The following MYO1D variants were observed in gnomAD, a reference collection of about 807,000 sequenced individuals.
MYO1D encodes unconventional myosin-Id.
MYO1D carries 83 observed loss-of-function variants against 122.0 expected under a neutral mutation model. That is an observed-to-expected ratio of 0.68 (90% CI 0.57 to 0.82). MYO1D has a LOEUF of 0.82. MYO1D is among the 40% of genes least tolerant of loss of function. The pLI, the probability that MYO1D is intolerant of heterozygous loss-of-function variation, is 0.00. For synonymous variants in MYO1D, 464 were observed against 446.9 expected (o/e 1.04, Z -0.48); for missense variants, 1,157 against 1,269.5 (o/e 0.91, Z 1.35).
At chr17:32,726,265 C>T (rs1452481878) in intron 14 of MYO1D, among the ~76,000 whole-genome samples, 1 of 151,708 alleles carries the variant, frequency 6.6e-6, no homozygotes, top group African/African-American at 2.4e-5. Flanking sequence ...CCAAAAAATA[C>T]AAAAATTAAC....
At chr17:32,632,653 A>T (rs2088036048) in intron 20 of MYO1D, among the ~76,000 whole-genome samples, 1 of 151,698 alleles carries the variant, frequency 6.6e-6, no homozygotes. Context: ...ATAGGCAAAT[A>T]GGAAGCTGTC....
chr17:32,504,234 C>T (rs1175452525), intron 21 of MYO1D, among the ~76,000 whole-genome samples: 3 of 151,888 alleles, frequency 2.0e-5, no homozygotes. Context: ...GGGCGTGATC[C>T]ACACTCACCC....
At chr17:32,779,389 T>C (rs1264910428) in intron 2 of MYO1D, among the ~76,000 whole-genome samples, 1 of 151,754 alleles carries the variant, frequency 6.6e-6, no homozygotes, top group African/African-American at 2.4e-5. Context: ...TTAAAAAGAA[T>C]GCACTAGCTC....
At chr17:32,615,569 G>T (rs1450251586) in intron 20 of MYO1D, among the ~76,000 whole-genome samples, 1 of 152,178 alleles carries the variant, frequency 6.6e-6, no homozygotes, top group African/African-American at 2.4e-5. Context: ...CAATTGCTAG[G>T]CTTGAAAATA....
chr17:32,734,180 C>T (rs1413178113), intron 14 of MYO1D, among the ~76,000 whole-genome samples: 1 of 152,142 alleles, frequency 6.6e-6, no homozygotes, highest in Non-Finnish European at 1.5e-5. Context: ...ATCAGTTATT[C>T]GGATTCTTTA....
At chr17:32,832,323 T>G (rs946552773) in intron 1 of MYO1D, among the ~76,000 whole-genome samples, 1 of 150,414 alleles carries the variant, frequency 6.6e-6, no homozygotes, top group South Asian at 2.1e-4. Context: ...TTTTTTGACA[T>G]GGAGTCACGC....
rs1260561585 is a variant in MYO1D, at chr17:32,806,126, G to A, written c.96-25342C>T. ...ACAAAAAAATTAGCCAGAAGTGGTG[G>A]CACACGCCTGTGGTTCCAGCTACTC... On this transcript the variant is annotated intron_variant, in intron 1 of 21. Coordinates refer to ENST00000318217, the MANE Select transcript of MYO1D (RefSeq NM_015194.3). Among the ~76,000 whole-genome samples, 4 of 152,118 alleles carry A rather than the reference G, an allele frequency of 2.6e-5. No homozygotes were observed. The East Asian group carries it at 7.7e-4, about 29-fold the overall frequency.
intron 13 of MYO1D, among the ~76,000 whole-genome samples, chr17:32,742,706 CCCAGTTCTT>C (rs1474506304): frequency 6.6e-6 from 1 of 152,206 alleles, no homozygotes; most frequent in African/African-American, 2.4e-5. Flanking sequence ...TTTCCCCATG[CCCAGTTCTT>C]CCAAGGATCC....
At chr17:32,821,317 C>A (rs973419480) in intron 1 of MYO1D, among the ~76,000 whole-genome samples, 3 of 152,080 alleles carry the variant, frequency 2.0e-5, no homozygotes, top group African/African-American at 7.2e-5. Flanking sequence ...ATTAGTCATT[C>A]ATATCTCTAA....
chr17:32,534,155 T>C (rs1481285124), intron 21 of MYO1D, among the ~76,000 whole-genome samples: 1 of 152,168 alleles, frequency 6.6e-6, no homozygotes, highest in Non-Finnish European at 1.5e-5. Flanking sequence ...ATTACTTTTA[T>C]TACATTTTTA....
In MYO1D at chr17:32,760,468, C is replaced by T; in HGVS notation, c.1181+14G>A. On this transcript the variant is annotated intron_variant, in intron 9 of 21. Coordinates refer to ENST00000318217, the MANE Select transcript of MYO1D (RefSeq NM_015194.3). Reference sequence around the variant, plus strand: ...AAACAGGCAACAAGGTTTTAAGTATCTTTTCCAGTTTACCTGTTGTTGTCA... The same window carrying T: ...AAACAGGCAACAAGGTTTTAAGTATTTTTTCCAGTTTACCTGTTGTTGTCA... The T allele has an allele frequency of 1.2e-6, 2 of 1,610,120 alleles. No individual in the cohort carries two copies. Among genetic ancestry groups the T allele is most frequent in the Non-Finnish European group, 1.7e-6 (2 of 1,177,548 alleles).
At chr17:32,832,110 T>C (rs1295503512) in intron 1 of MYO1D, among the ~76,000 whole-genome samples, 1 of 151,672 alleles carries the variant, frequency 6.6e-6, no homozygotes, top group African/African-American at 2.4e-5. Flanking sequence ...GTTTTCTTTT[T>C]TCTTTCTTTC....
chr17:32,571,936 C>G (rs545600422), intron 21 of MYO1D, among the ~76,000 whole-genome samples: 2 of 152,272 alleles, frequency 1.3e-5, no homozygotes, highest in East Asian at 1.9e-4. Context: ...ACTCCAAACA[C>G]TAAATAACAG....
intron 10 of MYO1D, among the ~76,000 whole-genome samples, chr17:32,759,074 C>T (rs1469938397): frequency 2.0e-5 from 3 of 151,978 alleles, no homozygotes; most frequent in Non-Finnish European, 4.4e-5. Flanking sequence ...TCAGTTATAC[C>T]GTGTATTATA....
intron 21 of MYO1D, among the ~76,000 whole-genome samples, chr17:32,592,214 A>G (rs2087445568): frequency 6.6e-6 from 1 of 152,228 alleles, no homozygotes; most frequent in Non-Finnish European, 1.5e-5. Context: ...TTCCCCAGGA[A>G]TGTACATGGA....
intron 21 of MYO1D, among the ~76,000 whole-genome samples, chr17:32,596,554 G>T (rs1597918979): frequency 2.0e-5 from 3 of 152,218 alleles, no homozygotes; most frequent in African/African-American, 7.2e-5. Context: ...CTAAGTGTGA[G>T]TTATAAAGAA....
chr17:32,776,064 C>A, intron 3 of MYO1D, 35 bp from the exon 4 acceptor site: 1 of 1,572,444 alleles, frequency 6.4e-7, no homozygotes, highest in Non-Finnish European at 8.6e-7. Flanking sequence ...ATTATAAAAA[C>A]TTATAGAGAC....
intron 21 of MYO1D, among the ~76,000 whole-genome samples, chr17:32,560,751 C>T (rs2087117707): frequency 6.6e-6 from 1 of 150,848 alleles, no homozygotes; most frequent in South Asian, 2.1e-4. Context: ...TACTGAGTAG[C>T]TGGGATTACA....
At position 32,665,347 on chromosome 17, in the gene MYO1D, G is replaced by A. The variant is rs565036193; in HGVS notation, c.2122-6009C>T. 6.6e-5 allele frequency among the ~76,000 whole-genome samples: 10 copies of A among 152,168 alleles called. No homozygotes were observed. The South Asian group carries it at 2.1e-3, about 32-fold the overall frequency. On this transcript the variant is annotated intron_variant, in intron 16 of 21. Coordinates refer to ENST00000318217, the MANE Select transcript of MYO1D (RefSeq NM_015194.3). ...ATGCTCTCTCCCACTAGAATTTAAG[G>A]GCCACTAGGCTGGGGATCTTTGTCT...
Sources: allele counts gnomAD v4.1 joint callset (sites outside exome capture counted in the v4.1 genomes callset), GRCh38; gene constraint gnomAD v4.1.1; transcripts MANE v1.5; gene names NCBI Gene and HGNC (gene_info 2026-07-23, HGNC 2026-07-21).